The following ADAMTS17 variants were observed in gnomAD, a reference collection of about 807,000 sequenced individuals.
ADAMTS17 encodes the protein ADAM metallopeptidase with thrombospondin type 1 motif 17.
In ADAMTS17, 113 loss-of-function variants were observed where a neutral mutation model predicts 141.5. That is an observed-to-expected ratio of 0.80 (90% CI 0.69 to 0.93). The LOEUF is 0.93. Among genes scored for constraint, ADAMTS17 ranks in the 40% least tolerant of loss-of-function variants. ADAMTS17 has a pLI of 0.00. For missense variants in ADAMTS17, 1,659 were observed against 1,517.9 expected (o/e 1.09, Z -1.54); for synonymous variants, 768 against 630.6 (o/e 1.22, Z -3.27).
At chr15:100,242,283 C>T (rs1203235534) in intron 7 of ADAMTS17, among the ~76,000 whole-genome samples, 1 of 152,176 alleles carries the variant, frequency 6.6e-6, no homozygotes, top group Non-Finnish European at 1.5e-5. Context: ...GGAAAACGAA[C>T]TCTTGGCTCA....
chr15:100,239,211 G>A (rs1451367984), intron 7 of ADAMTS17, among the ~76,000 whole-genome samples: 31 of 152,230 alleles, frequency 2.0e-4, no homozygotes, highest in Admixed American at 2.0e-3. Context: ...CTGCACCTCG[G>A]TTTTCCCACA....
chr15:100,250,343 C>T (rs955703440), intron 7 of ADAMTS17, among the ~76,000 whole-genome samples: 1 of 152,218 alleles, frequency 6.6e-6, no homozygotes, highest in African/African-American at 2.4e-5. Flanking sequence ...GAACTCAAGA[C>T]ACAGCATCTC....
chr15:100,122,200 T>C (rs1374277294), intron 12 of ADAMTS17, among the ~76,000 whole-genome samples: 1 of 152,220 alleles, frequency 6.6e-6, no homozygotes, highest in Non-Finnish European at 1.5e-5. Flanking sequence ...GCTCTTCCTG[T>C]ATTCTTTAGA....
At chr15:100,010,120 A>G (rs929165657) in intron 18 of ADAMTS17, among the ~76,000 whole-genome samples, 7 of 152,182 alleles carry the variant, frequency 4.6e-5, no homozygotes, top group African/African-American at 1.7e-4. Flanking sequence ...ACCATGTAAG[A>G]TGTGCCTTTG....
At chr15:100,079,453 G>A (rs1199485912) in intron 15 of ADAMTS17, among the ~76,000 whole-genome samples, 8 of 152,168 alleles carry the variant, frequency 5.3e-5, no homozygotes, top group African/African-American at 1.2e-4. Flanking sequence ...GAAGGACCAC[G>A]TATTATACTA....
At chr15:100,273,009 T>C (rs932275325) in intron 4 of ADAMTS17, among the ~76,000 whole-genome samples, 3 of 152,322 alleles carry the variant, frequency 2.0e-5, no homozygotes, top group South Asian at 4.1e-4. Context: ...GATTTGCCTA[T>C]GTTGAGCCAT....
intron 15 of ADAMTS17, among the ~76,000 whole-genome samples, chr15:100,066,557 T>C (rs1344069338): frequency 6.6e-6 from 1 of 152,032 alleles, no homozygotes; most frequent in Non-Finnish European, 1.5e-5. Flanking sequence ...TTGTAAACTC[T>C]CTGGCTTTAT....
chr15:100,083,781 G>C (rs2034904718), intron 15 of ADAMTS17, among the ~76,000 whole-genome samples: 1 of 150,510 alleles, frequency 6.6e-6, no homozygotes. Context: ...CATGTGACTT[G>C]GGAATAGTGA....
intron 12 of ADAMTS17, among the ~76,000 whole-genome samples, chr15:100,123,592 C>A (rs1036322296): frequency 7.9e-5 from 12 of 152,240 alleles, no homozygotes; most frequent in African/African-American, 2.9e-4. Flanking sequence ...TTCACATAAA[C>A]AGTGATCATA....
intron 12 of ADAMTS17, among the ~76,000 whole-genome samples, chr15:100,117,411 C>T (rs376621657): frequency 3.1e-5 from 2 of 65,166 alleles, no homozygotes; most frequent in Non-Finnish European, 6.0e-5. Context: ...CCTTTAAATG[C>T]CCCCCCAGGT....
chr15:100,201,714 G>A (rs7169465), intron 7 of ADAMTS17, among the ~76,000 whole-genome samples: 1 of 151,740 alleles, frequency 6.6e-6, no homozygotes, highest in Non-Finnish European at 1.5e-5. Context: ...CCTCAAGATG[G>A]TTTTGTGGCC....
chr15:99,988,099 C>T (rs574010819), intron 20 of ADAMTS17, among the ~76,000 whole-genome samples: 1 of 152,242 alleles, frequency 6.6e-6, no homozygotes. Flanking sequence ...CAGCTCGGTG[C>T]ACACAATGGG....
chr15:100,197,081 T>C (rs944215412), intron 8 of ADAMTS17, among the ~76,000 whole-genome samples: 9 of 152,214 alleles, frequency 5.9e-5, no homozygotes, highest in Admixed American at 2.0e-4. Flanking sequence ...CCATTCATCT[T>C]TGCAGACCTC....
At chr15:100,332,965 T>A (rs957183185) in intron 2 of ADAMTS17, among the ~76,000 whole-genome samples, 1 of 152,098 alleles carries the variant, frequency 6.6e-6, no homozygotes, top group African/African-American at 2.4e-5. Flanking sequence ...TGCCTCCTCC[T>A]CCCTCACTGT....
chr15:100,263,730 G>A (rs952191486), intron 4 of ADAMTS17, among the ~76,000 whole-genome samples: 1 of 152,204 alleles, frequency 6.6e-6, no homozygotes, highest in Non-Finnish European at 1.5e-5. Flanking sequence ...AGGTTGGAGG[G>A]AACAAGAATG....
chr15:99,993,282 C>G lies in ADAMTS17; in HGVS notation c.2797-82G>C. On this transcript the variant is annotated intron_variant, in intron 19 of 21. Transcript: ENST00000268070. The surrounding 1 kb of genome is among the most constrained non-coding windows in gnomAD (Gnocchi z 4.3). The stretch of plus-strand genomic sequence containing the variant: ...CAGCTATTAACTCCCTCCAATGTGC[C>G]AGGTGCGGTGTGGGGATGATACAAA... 6.4e-7 allele frequency: 1 copy of G among 1,571,596 alleles called. No homozygotes were observed. The highest frequency in any genetic ancestry group is 8.7e-7 in the Non-Finnish European group (1 of 1,146,150).
intron 10 of ADAMTS17, among the ~76,000 whole-genome samples, chr15:100,138,426 A>G (rs534315245): frequency 5.3e-4 from 81 of 152,384 alleles, no homozygotes; most frequent in African/African-American, 1.9e-3. Context: ...TACATAAACA[A>G]GCTAGCAGCA....
chr15:100,216,720 C>T (rs976725387), intron 7 of ADAMTS17, among the ~76,000 whole-genome samples: 3 of 152,202 alleles, frequency 2.0e-5, no homozygotes, highest in Admixed American at 1.3e-4. Context: ...AGGCCTATGG[C>T]GCCCACCTTG....
chr15:100,231,103 A>C (rs2141846454), intron 7 of ADAMTS17, among the ~76,000 whole-genome samples: 1 of 152,386 alleles, frequency 6.6e-6, no homozygotes, highest in Middle Eastern at 3.4e-3. Context: ...AATCCAAAGC[A>C]GTCTTTAAAA....
Sources: gnomAD v4.1 joint callset for allele counts (sites outside exome capture counted in the v4.1 genomes callset) on GRCh38, gnomAD v4.1.1 for gene constraint, Gnocchi (gnomAD v3.1) non-coding constraint, MANE v1.5 for transcripts, NCBI Gene and HGNC (gene_info 2026-07-23, HGNC 2026-07-21) for gene names.